The following YJU2B variants were observed in gnomAD, a reference collection of about 807,000 sequenced individuals.
YJU2B encodes probable splicing factor YJU2B.
A neutral mutation model predicts 38.0 loss-of-function variants in YJU2B; 18 were observed. The observed-to-expected ratio is 0.47, with a 90% CI of 0.33 to 0.70. YJU2B has a LOEUF of 0.70. Among genes scored for constraint, YJU2B ranks in the 30% least tolerant of loss-of-function variants. The pLI is 0.02. For synonymous variants in YJU2B, 246 were observed against 225.4 expected (o/e 1.09, Z -0.82); for missense variants, 538 against 556.3 (o/e 0.97, Z 0.33).
intron 2 of YJU2B, among the ~76,000 whole-genome samples, chr19:13,740,769 T>A (rs957394585): frequency 6.6e-6 from 1 of 152,104 alleles, no homozygotes; most frequent in Non-Finnish European, 1.5e-5. Context: ...ACTCCTGACC[T>A]CGCGATCTGC....
At position 13,763,094 on chromosome 19, in the gene YJU2B, C is replaced by T; in HGVS notation, c.*26C>T. 1.3e-6 allele frequency: 2 copies of T among 1,520,348 alleles called. No homozygotes were observed. The highest frequency in any genetic ancestry group is 1.4e-5 in the African/African-American group (1 of 72,302). 94.2% of individuals were successfully genotyped at this position (1,520,348 alleles called of 1,614,324 possible). A position where few individuals can be genotyped will look rare whatever the true frequency, so the allele number is the denominator to read the frequency against. ...GCGATCCCCATCCTGGAGACTGGACCCGCTCTAGAGGCCCGGACACACCCA... is the reference window on the plus strand; with the variant it reads ...GCGATCCCCATCCTGGAGACTGGACTCGCTCTAGAGGCCCGGACACACCCA... On this transcript the variant is annotated 3_prime_UTR_variant, in exon 10 of 10. Coordinates refer to ENST00000221554, the MANE Select transcript of YJU2B (RefSeq NM_030818.4).
intron 2 of YJU2B, among the ~76,000 whole-genome samples, chr19:13,737,322 G>A (rs1052252456): frequency 2.0e-5 from 3 of 152,018 alleles, no homozygotes; most frequent in Non-Finnish European, 4.4e-5. Context: ...CACTGTGCCT[G>A]GCCACTTCTT....
chr19:13,754,822 G>A (rs920507367), intron 3 of YJU2B, among the ~76,000 whole-genome samples: 7 of 151,812 alleles, frequency 4.6e-5, no homozygotes, highest in South Asian at 2.1e-4. Flanking sequence ...ATTTATTTGC[G>A]TCTTGTCCAT....
At chr19:13,740,059 A>G (rs1014538113) in intron 2 of YJU2B, among the ~76,000 whole-genome samples, 1 of 152,136 alleles carries the variant, frequency 6.6e-6, no homozygotes, top group African/African-American at 2.4e-5. Flanking sequence ...AACCAACCCA[A>G]ATGCCCACCA....
Position 13,751,694 on chromosome 19 carries a change from G to A in YJU2B, c.-115G>A, listed in dbSNP as rs1973471631. ...ACACGGCCCACGACATCTTCGCAGG[G>A]AAGCCTGTGGACCCTCTGCCAGGCT... On this transcript the variant is annotated 5_prime_UTR_variant, in exon 2 of 10. Coordinates refer to ENST00000221554, the MANE Select transcript of YJU2B (RefSeq NM_030818.4). 1 of 1,114,136 alleles carries A rather than the reference G, an allele frequency of 9.0e-7. No homozygotes were observed. The highest frequency in any genetic ancestry group is 1.3e-5 in the South Asian group (1 of 77,188). The allele number at this position is 1,114,136 out of a possible 1,614,324, so 69.0% of individuals were successfully genotyped here. A position where few individuals can be genotyped will look rare whatever the true frequency, so the allele number is the denominator to read the frequency against.
chr19:13,733,906 CTTTAT>C (rs368105241), intron 2 of YJU2B, among the ~76,000 whole-genome samples: 4 of 152,164 alleles, frequency 2.6e-5, no homozygotes, highest in African/African-American at 9.6e-5. Context: ...GATTTGAATT[CTTTAT>C]TTTATTTTAT....
At chr19:13,759,413 C>T (rs517323) in intron 8 of YJU2B, 141 bp downstream of exon 8, 310,016 of 650,920 alleles carry the variant, frequency 0.48, 76,579 homozygotes, top group African/African-American at 0.73. Flanking sequence ...TACATGGTGA[C>T]CATGCCCTGT....
At chr19:13,746,762 C>A (rs913485131), upstream of YJU2B, among the ~76,000 whole-genome samples, 1 of 152,078 alleles carries the variant, frequency 6.6e-6, no homozygotes, top group Non-Finnish European at 1.5e-5. Context: ...CAAAAAATAG[C>A]CGGGCGTGGT....
At chr19:13,738,892 C>CA (rs527948929) in intron 2 of YJU2B, among the ~76,000 whole-genome samples, 6,067 of 55,074 alleles carry the variant, frequency 0.11, 304 homozygotes, top group African/African-American at 0.15. Flanking sequence ...GACTCTGTCT[C>CA]AAAAAAAAAA....
In YJU2B at chr19:13,757,649, G is replaced by A. The variant is rs1296435425; in HGVS notation, c.197-137G>A. 3 of 1,102,740 alleles carry A rather than the reference G, an allele frequency of 2.7e-6. No individual in the cohort carries two copies. In the African/African-American group the frequency reaches 4.6e-5, roughly 17 times the overall value. The allele number at this position is 1,102,740 out of a possible 1,614,324, so 68.3% of individuals were successfully genotyped here. A position where few individuals can be genotyped will look rare whatever the true frequency, so the allele number is the denominator to read the frequency against. On this transcript the variant is annotated intron_variant, in intron 5 of 9. Transcript: ENST00000221554. ...AGAGGGATTAGGAAGCCAGGCTCTGGCTTCCAATCCCGTCTCTAACTCCTC... is the reference window on the plus strand; with the variant it reads ...AGAGGGATTAGGAAGCCAGGCTCTGACTTCCAATCCCGTCTCTAACTCCTC...
In YJU2B at chr19:13,763,056, G is replaced by C. The variant is rs35254119; in HGVS notation, c.1179G>C (p.Ser393=). The part of the protein sequence containing the change: ...GSSLVADYSD[S]ESE ...CCCTCGTGGCGGACTACTCCGACTC[G>C]GAGAGTGAGTGAGCGATCCCCATCC... is the stretch of plus-strand genomic sequence containing the variant. The change falls in exon 10 of 10, where the codon TCG becomes TCC. Residue 393 remains serine, a synonymous_variant. Transcript: ENST00000221554. The C allele has an allele frequency of 6.4e-7, 1 of 1,553,952 alleles. No individual in the cohort carries two copies. The highest frequency in any genetic ancestry group is 2.3e-5 in the East Asian group (1 of 44,336).
rs771721881 is a variant in YJU2B at position 13,754,269 on chromosome 19, G to A, written c.4-20G>A. On this transcript the variant is annotated intron_variant, in intron 2 of 9. Coordinates refer to ENST00000221554, the MANE Select transcript of YJU2B (RefSeq NM_030818.4). ...CCATATCAGCCTCTCTCTGAGTCAT[G>A]TCTCTGTTCTGCTTTGCAGGGTGAA... 2 of 1,606,184 alleles carry A rather than the reference G, an allele frequency of 1.2e-6. No homozygotes were observed. Among genetic ancestry groups the A allele is most frequent in the South Asian group, 2.2e-5 (2 of 90,914 alleles).
chr19:13,741,987 A>G (rs1973106709), intron 2 of YJU2B, among the ~76,000 whole-genome samples: 1 of 152,200 alleles, frequency 6.6e-6, no homozygotes, highest in East Asian at 1.9e-4. Context: ...AGAAAAGACT[A>G]AAAATTGGCA....
chr19:13,744,924 C>T (rs996284856), upstream of YJU2B, among the ~76,000 whole-genome samples: 16 of 150,752 alleles, frequency 1.1e-4, no homozygotes, highest in African/African-American at 3.4e-4. Context: ...ACCCGGGAGG[C>T]GGAGCCTGCA....
intron 2 of YJU2B, among the ~76,000 whole-genome samples, chr19:13,736,904 G>A (rs1309601056): frequency 6.6e-6 from 1 of 151,610 alleles, no homozygotes; most frequent in Non-Finnish European, 1.5e-5. Flanking sequence ...GTGGGAAGCT[G>A]TGATCCTAGC....
chr19:13,756,044 C>A (rs564520426), intron 3 of YJU2B, among the ~76,000 whole-genome samples, 153 bp from the exon 4 acceptor site: 1 of 152,340 alleles, frequency 6.6e-6, no homozygotes, highest in East Asian at 1.9e-4. Flanking sequence ...GACCTGGATG[C>A]CCCCTATTGC....
intron 9 of YJU2B, 62 bp downstream of exon 9, chr19:13,762,499 G>A: frequency 6.3e-7 from 1 of 1,587,462 alleles, no homozygotes; most frequent in Non-Finnish European, 8.5e-7. Context: ...GAGATGGGGG[G>A]TCCTCAGCCA....
At chr19:13,748,058 G>C (rs777070383) in intron 1 of YJU2B, 104 bp downstream of exon 1, 4 of 152,224 alleles carry the variant, frequency 2.6e-5, no homozygotes, top group African/African-American at 9.6e-5. Flanking sequence ...GGGGGACGCG[G>C]AGCTGAGGAC....
intron 2 of YJU2B, among the ~76,000 whole-genome samples, chr19:13,734,383 C>T (rs1045871888): frequency 6.6e-6 from 1 of 151,944 alleles, no homozygotes; most frequent in African/African-American, 2.4e-5. Context: ...CCTCTGCCAC[C>T]GGGTTCAAGT....
Sources: allele counts gnomAD v4.1 joint callset (sites outside exome capture counted in the v4.1 genomes callset), GRCh38; gene constraint gnomAD v4.1.1; transcripts MANE v1.5; gene names NCBI Gene and HGNC (gene_info 2026-07-23, HGNC 2026-07-21).